The following SORCS1 variants were observed in gnomAD, a reference collection of about 807,000 sequenced individuals.
SORCS1 encodes the protein VPS10 domain-containing receptor SorCS1.
Under a neutral mutation model 146.1 loss-of-function variants are expected in SORCS1, and 60 were observed. The ratio of observed to expected loss-of-function variants is 0.41; its 90% confidence interval spans 0.33 to 0.51. SORCS1 has a LOEUF of 0.51. Among genes scored for constraint, SORCS1 ranks in the 20% least tolerant of loss-of-function variants. The probability of loss-of-function intolerance (pLI) is 0.21; values close to 1 mark genes in which losing one functional copy is unlikely to be tolerated. For synonymous variants in SORCS1, 637 were observed against 584.0 expected, an observed-to-expected ratio of 1.09 and a Z score of -1.31; for missense variants, 1,352 against 1,487.6, an observed-to-expected ratio of 0.91 and a Z score of 1.50.
At chr10:106,592,247 G>A (rs1772905912) in intron 24 of SORCS1, among the ~76,000 whole-genome samples, 1 of 152,166 alleles carries the variant, frequency 6.6e-6, no homozygotes, top group African/African-American at 2.4e-5. Flanking sequence ...CCACAGGAAT[G>A]GCTAGGAACA....
chr10:107,169,884 A>T, the SORCS1 span, among the ~76,000 whole-genome samples: 1 of 152,190 alleles, frequency 6.6e-6, no homozygotes, highest in African/African-American at 2.4e-5. Context: ...TGCAGTGCTT[A>T]TACAATCATT....
intron 1 of SORCS1, among the ~76,000 whole-genome samples, chr10:107,096,393 G>T (rs1381052343): frequency 6.6e-6 from 1 of 152,214 alleles, no homozygotes; most frequent in Non-Finnish European, 1.5e-5. Flanking sequence ...CCTTGAAAAG[G>T]TTAAGTAGTT....
chr10:106,595,275 G>A (rs1354038491), intron 24 of SORCS1, among the ~76,000 whole-genome samples: 1 of 152,164 alleles, frequency 6.6e-6, no homozygotes, highest in Non-Finnish European at 1.5e-5. Flanking sequence ...AACATTGCTT[G>A]GCCCAGCGTA....
At chr10:106,857,735 GCAA>G (rs1229121262) in intron 2 of SORCS1, among the ~76,000 whole-genome samples, 1 of 152,136 alleles carries the variant, frequency 6.6e-6, no homozygotes, top group African/African-American at 2.4e-5. Context: ...ACCTGTCAGT[GCAA>G]CTGATATTTC....
chr10:106,858,286 T>C (rs1463220557), intron 2 of SORCS1, among the ~76,000 whole-genome samples: 3 of 152,136 alleles, frequency 2.0e-5, no homozygotes, highest in Non-Finnish European at 4.4e-5. Flanking sequence ...TTCTGTGTTC[T>C]TGATGTTTCT....
Position 106,944,740 on chromosome 10 carries a change from C to G in SORCS1, c.626+11773G>C, listed in dbSNP as rs189721799. Reference sequence around the variant, plus strand: ...AAATAAGACAGACAAGGTCTCTGCCCTCAGCGAGTTTATATTTTAATGGTG... The same window carrying G: ...AAATAAGACAGACAAGGTCTCTGCCGTCAGCGAGTTTATATTTTAATGGTG... On this transcript the variant is annotated intron_variant, in intron 2 of 25. Coordinates refer to ENST00000263054, the MANE Select transcript of SORCS1 (RefSeq NM_052918.5). Among the ~76,000 whole-genome samples, 211 of 151,998 alleles carry G rather than the reference C, an allele frequency of 1.4e-3. 4 individuals carry two copies. Among genetic ancestry groups the G allele is most frequent in the Non-Finnish European group, 3.4e-4 (23 of 67,994 alleles).
intron 2 of SORCS1, among the ~76,000 whole-genome samples, chr10:106,924,625 T>G (rs1023251533): frequency 6.6e-6 from 1 of 152,054 alleles, no homozygotes; most frequent in Non-Finnish European, 1.5e-5. Flanking sequence ...TGGAAGGACT[T>G]TGTCAAAAAT....
chr10:106,628,607 T>G (rs202180934), intron 19 of SORCS1, among the ~76,000 whole-genome samples: 1 of 152,212 alleles, frequency 6.6e-6, no homozygotes, highest in African/African-American at 2.4e-5. Context: ...GCTTTAGCAT[T>G]TCTTGGAACT....
At chr10:107,105,733 G>A (rs1965263465) in intron 1 of SORCS1, among the ~76,000 whole-genome samples, 2 of 149,510 alleles carry the variant, frequency 1.3e-5, no homozygotes, top group African/African-American at 2.5e-5. Context: ...CCAGATTGAG[G>A]GTGGGTCTGC....
At chr10:107,001,982 T>C (rs925439334) in intron 1 of SORCS1, among the ~76,000 whole-genome samples, 18 of 152,170 alleles carry the variant, frequency 1.2e-4, no homozygotes, top group African/African-American at 4.3e-4. Context: ...GTTCTTACAG[T>C]AGTAATGTGT....
intron 2 of SORCS1, among the ~76,000 whole-genome samples, chr10:106,883,403 T>G (rs1334041843): frequency 4.0e-5 from 6 of 148,708 alleles, no homozygotes; most frequent in African/African-American, 1.5e-4. Flanking sequence ...TTTAAAAATA[T>G]AATTAGCAAA....
At chr10:106,958,225 T>C (rs1955057366) in intron 1 of SORCS1, among the ~76,000 whole-genome samples, 1 of 152,246 alleles carries the variant, frequency 6.6e-6, no homozygotes, top group African/African-American at 2.4e-5. Flanking sequence ...GTTTGCTCAG[T>C]TTTCTGTCGA....
Position 106,607,169 on chromosome 10 carries a change from C to T in SORCS1, c.3162G>A (p.Glu1054=), listed in dbSNP as rs762457782. ...TCTCCTTTTCCAGGGGACTCACCTG[C>T]TCCAGGTCATCAGTTGACCTTTTGT... ...GENKRSTDDL[E]QISELLIHTL... Residue 1054 remains glutamate (E), a synonymous_variant, in exon 23 of 26, where the codon GAG becomes GAA. Transcript: ENST00000263054. 1 of 1,613,996 alleles carries T rather than the reference C, an allele frequency of 6.2e-7. No individual in the cohort carries two copies. Among genetic ancestry groups the T allele is most frequent in the South Asian group, 1.1e-5 (1 of 91,064 alleles).
chr10:106,741,982 C>A (rs1857399321), intron 5 of SORCS1, among the ~76,000 whole-genome samples: 1 of 152,178 alleles, frequency 6.6e-6, no homozygotes. Flanking sequence ...GACACAAAGT[C>A]TTCTCTTGCT....
At chr10:107,008,537 T>C (rs1187443289) in intron 1 of SORCS1, among the ~76,000 whole-genome samples, 1 of 152,212 alleles carries the variant, frequency 6.6e-6, no homozygotes, top group Non-Finnish European at 1.5e-5. Context: ...AATATTGTCA[T>C]TGAAATAAGT....
intron 2 of SORCS1, among the ~76,000 whole-genome samples, chr10:106,911,547 A>G (rs955148302): frequency 6.6e-6 from 1 of 152,058 alleles, no homozygotes; most frequent in African/African-American, 2.4e-5. Context: ...CGAACTCAGT[A>G]TTGGGCAGCG....
chr10:106,870,531 C>A (rs1490150751), intron 2 of SORCS1, among the ~76,000 whole-genome samples: 1 of 152,066 alleles, frequency 6.6e-6, no homozygotes, highest in Non-Finnish European at 1.5e-5. Context: ...AGAAATAAAG[C>A]CACACACCTA....
chr10:107,028,064 C>T (rs1458405888), intron 1 of SORCS1, among the ~76,000 whole-genome samples: 1 of 152,188 alleles, frequency 6.6e-6, no homozygotes, highest in Non-Finnish European at 1.5e-5. Flanking sequence ...GTTAAATTTG[C>T]TTCTCTTCTT....
chr10:106,881,165 G>A (rs889522084), intron 2 of SORCS1, among the ~76,000 whole-genome samples: 10 of 151,800 alleles, frequency 6.6e-5, no homozygotes, highest in Non-Finnish European at 1.0e-4. Context: ...GAGGTTATGC[G>A]GTCCAGTAAA....
Sources: allele counts gnomAD v4.1 joint callset (sites outside exome capture counted in the v4.1 genomes callset), GRCh38; gene constraint gnomAD v4.1.1; transcripts MANE v1.5; gene names NCBI Gene and HGNC (gene_info 2026-07-23, HGNC 2026-07-21).